The following GNAI2 variants were observed in gnomAD, a reference collection of about 807,000 sequenced individuals.
GNAI2 encodes the protein guanine nucleotide-binding protein G(i) subunit alpha-2.
Under a neutral mutation model 36.8 loss-of-function variants are expected in GNAI2, and 4 were observed. The ratio of observed to expected loss-of-function variants is 0.11; its 90% confidence interval spans 0.05 to 0.25. The LOEUF (loss-of-function observed/expected upper bound fraction) is 0.25. GNAI2 is among the 10% of genes least tolerant of loss of function. The pLI is 1.00. For missense variants in GNAI2, 230 were observed against 481.3 expected (o/e 0.48, Z 4.89); for synonymous variants, 194 against 194.1 (o/e 1.00, Z 0.01).
chr3:50,257,560 A>AT lies in GNAI2; in HGVS notation c.938_939insT (p.Lys313AsnfsTer26). The stretch of plus-strand genomic sequence containing the variant: ...CAGAGTAAGTTTGAGGACCTGAATA[A>AT]GCGCAAAGACACCAAGGAGATCTAC... On this transcript the variant is annotated frameshift_variant, in exon 8 of 9. Transcript: ENST00000313601. LOFTEE classifies it high-confidence loss of function. The AT allele has an allele frequency of 6.3e-7, 1 of 1,580,530 alleles. No individual in the cohort carries two copies. The highest frequency in any genetic ancestry group is 1.1e-5 in the South Asian group (1 of 89,130).
upstream of GNAI2, chr3:50,236,173 G>T (rs1700161081): frequency 1.7e-6 from 2 of 1,167,752 alleles, no homozygotes; most frequent in Non-Finnish European, 2.1e-6. The surrounding 1 kb of genome is among the most constrained non-coding windows in gnomAD (Gnocchi z 4.0). Flanking sequence ...CCCCGCCGTC[G>T]GTGCGCGGCG....
At chr3:50,254,145 C>T (rs1475416250) in intron 4 of GNAI2, among the ~76,000 whole-genome samples, 1 of 152,106 alleles carries the variant, frequency 6.6e-6, no homozygotes, top group East Asian at 1.9e-4. Context: ...GACAAGCCTG[C>T]ACCCTTTCCA....
At chr3:50,233,752 G>GGGCCT (rs1375638532), upstream of GNAI2, among the ~76,000 whole-genome samples, 5 of 152,150 alleles carry the variant, frequency 3.3e-5, no homozygotes, top group African/African-American at 1.2e-4. Flanking sequence ...GGACAGGAGG[G>GGGCCT]GGGCCTGAGG....
Position 50,252,173 on chromosome 3 carries a change from A to T in GNAI2, c.161+31A>T. On this transcript the variant is annotated intron_variant, in intron 2 of 8. Coordinates refer to ENST00000313601, the MANE Select transcript of GNAI2 (RefSeq NM_002070.4). The surrounding 1 kb of genome is among the most constrained non-coding windows in gnomAD (Gnocchi z 4.1). ...TGCTGTATTCCAGAGGCAGTGCTCA[A>T]ACTCCAGCTTCCCCTCTTCACCCTC... The T allele has an allele frequency of 6.2e-7, 1 of 1,605,504 alleles. No homozygotes were observed. Among genetic ancestry groups the T allele is most frequent in the Non-Finnish European group, 8.5e-7 (1 of 1,172,722 alleles).
intron 1 of GNAI2, chr3:50,246,839 T>G: frequency 7.8e-7 from 1 of 1,280,172 alleles, no homozygotes; most frequent in Non-Finnish European, 1.0e-6. Context: ...TGTGTAGGAG[T>G]GCCGGGTTAT....
chr3:50,243,370 C>T (rs1700339205), intron 1 of GNAI2, among the ~76,000 whole-genome samples: 1 of 152,230 alleles, frequency 6.6e-6, no homozygotes, highest in Non-Finnish European at 1.5e-5. Context: ...CTCTTAGATT[C>T]CCGAGCGGCC....
intron 1 of GNAI2, chr3:50,239,513 G>C (rs1289032369): frequency 6.6e-6 from 1 of 152,318 alleles, no homozygotes; most frequent in South Asian, 2.1e-4. Context: ...GCATCTACTG[G>C]GTGCTTCTCA....
At chr3:50,232,381 A>G (rs183270181), upstream of GNAI2, among the ~76,000 whole-genome samples, 73 of 152,298 alleles carry the variant, frequency 4.8e-4, no homozygotes, top group African/African-American at 1.7e-3. Flanking sequence ...AGGGCTTTCT[A>G]TGTGCCATGC....
rs781917854 is a variant in GNAI2 at position 50,258,979 on chromosome 3, C to G, written c.*636C>G. 4.7e-4 allele frequency: 210 copies of G among 447,114 alleles called. No homozygotes were observed. Among genetic ancestry groups the G allele is most frequent in the Non-Finnish European group, 8.5e-4 (190 of 224,542 alleles). The allele number at this position is 447,114 out of a possible 1,614,324, so 27.7% of individuals were successfully genotyped here. A position where few individuals can be genotyped will look rare whatever the true frequency, so the allele number is the denominator to read the frequency against. On this transcript the variant is annotated 3_prime_UTR_variant, in exon 9 of 9. Transcript: ENST00000313601. Reference sequence around the variant, plus strand: ...GTCAGATCCTGACCAGCAAGCCCCCCCCCAGCCCCCCTTCCAAGTGACTCC... The same window carrying G: ...GTCAGATCCTGACCAGCAAGCCCCCGCCCAGCCCCCCTTCCAAGTGACTCC...
Position 50,257,711 on chromosome 3 carries a change from G to T in GNAI2, c.*21G>T. The T allele has an allele frequency of 1.4e-6, 2 of 1,448,060 alleles. No homozygotes were observed. Among genetic ancestry groups the T allele is most frequent in the Non-Finnish European group, 1.9e-6 (2 of 1,078,966 alleles). 89.7% of individuals were successfully genotyped at this position (1,448,060 alleles called of 1,614,324 possible). Reference sequence around the variant, plus strand: ...TCTGAGGGGCAGCGGGGCCTGGCGGGATGGTGAGCCAGAGGGGCTGTGGCA... The same window carrying T: ...TCTGAGGGGCAGCGGGGCCTGGCGGTATGGTGAGCCAGAGGGGCTGTGGCA... On this transcript the variant is annotated 3_prime_UTR_variant, in exon 8 of 9. Transcript: ENST00000313601.
chr3:50,231,267 A>T (rs1553699772), upstream of GNAI2, among the ~76,000 whole-genome samples: 1 of 152,106 alleles, frequency 6.6e-6, no homozygotes, highest in South Asian at 2.1e-4. Flanking sequence ...CAGGATGAAG[A>T]GATTGATTGA....
At position 50,236,314 on chromosome 3, in the gene GNAI2, G is replaced by T. The variant is rs1344304242; in HGVS notation, c.-22G>T. 2.2e-6 allele frequency: 3 copies of T among 1,365,294 alleles called. No individual in the cohort carries two copies. Among genetic ancestry groups the T allele is most frequent in the Non-Finnish European group, 1.9e-6 (2 of 1,059,924 alleles). The allele number at this position is 1,365,294 out of a possible 1,614,324, so 84.6% of individuals were successfully genotyped here. On this transcript the variant is annotated 5_prime_UTR_variant, in exon 1 of 9. Coordinates refer to ENST00000313601, the MANE Select transcript of GNAI2 (RefSeq NM_002070.4). The surrounding 1 kb of genome is among the most constrained non-coding windows in gnomAD (Gnocchi z 4.0). ...GTGGGCCGTGTGGGGGCCGGGCGGC[G>T]GCCGGGCCGGCGGACGGCGGGATGG...
chr3:50,237,215 G>A (rs1700193990), intron 1 of GNAI2, among the ~76,000 whole-genome samples: 1 of 152,226 alleles, frequency 6.6e-6, no homozygotes, highest in South Asian at 2.1e-4. Flanking sequence ...GTTGGAGAGG[G>A]CCTAGGCTGC....
In GNAI2 at chr3:50,257,720, C is replaced by T. The variant is rs1553703515; in HGVS notation, c.*24+6C>T. ...CAGCGGGGCCTGGCGGGATGGTGAG[C>T]CAGAGGGGCTGTGGCAGGGTGCTGG... On this transcript the variant is annotated splice_donor_region_variant and intron_variant, in intron 8 of 8. Coordinates refer to ENST00000313601, the MANE Select transcript of GNAI2 (RefSeq NM_002070.4). 6 of 1,480,372 alleles carry T rather than the reference C, an allele frequency of 4.1e-6. No homozygotes were observed. The highest frequency in any genetic ancestry group is 1.3e-5 in the South Asian group (1 of 76,126). The allele number at this position is 1,480,372 out of a possible 1,614,324, so 91.7% of individuals were successfully genotyped here. A position where few individuals can be genotyped will look rare whatever the true frequency, so the allele number is the denominator to read the frequency against.
intron 1 of GNAI2, 118 bp from the exon 2 acceptor site, chr3:50,251,982 G>T: frequency 1.9e-6 from 2 of 1,034,062 alleles, no homozygotes; most frequent in Non-Finnish European, 2.9e-6. Context: ...TCCATCTCAC[G>T]GTGCAGCTGG....
chr3:50,251,806 A>G, intron 1 of GNAI2: 1 of 1,308,222 alleles, frequency 7.6e-7, no homozygotes, highest in Non-Finnish European at 9.9e-7. Flanking sequence ...GTCTCCAGCC[A>G]AGACCCCCCA....
upstream of GNAI2, among the ~76,000 whole-genome samples, chr3:50,234,339 G>A (rs1344916440): frequency 6.6e-6 from 1 of 150,826 alleles, no homozygotes; most frequent in Admixed American, 6.6e-5. Context: ...TTACAGGCGT[G>A]AGCCACCGTG....
At position 50,242,266 on chromosome 3, in the gene GNAI2, G is replaced by T. The variant is rs868917109; in HGVS notation, c.118+5813G>T. On this transcript the variant is annotated intron_variant, in intron 1 of 8. Transcript: ENST00000313601. The surrounding 1 kb of genome is among the most constrained non-coding windows in gnomAD (Gnocchi z 4.8). ...CTGAGTGCTGCCTCCCCTACATCCC[G>T]TTGTGCTGTGGGGGGAGGCAGGACC... Among the ~76,000 whole-genome samples, 2 of 152,068 alleles carry T rather than the reference G, an allele frequency of 1.3e-5. No individual in the cohort carries two copies. Among genetic ancestry groups the T allele is most frequent in the African/African-American group, 4.8e-5 (2 of 41,410 alleles).
chr3:50,231,167 C>T (rs1207986650), intron 1 of GNAI2, among the ~76,000 whole-genome samples: 1 of 152,232 alleles, frequency 6.6e-6, no homozygotes, highest in Admixed American at 6.5e-5. Context: ...TCAAAGAAAG[C>T]TTCCTGACCT....
Sources: gnomAD v4.1 joint callset for allele counts (sites outside exome capture counted in the v4.1 genomes callset) on GRCh38, gnomAD v4.1.1 for gene constraint, Gnocchi (gnomAD v3.1) non-coding constraint, MANE v1.5 for transcripts, NCBI Gene and HGNC (gene_info 2026-07-23, HGNC 2026-07-21) for gene names.